RGS6: variants seen among roughly 807,000 people sequenced by gnomAD.
RGS6 encodes the protein regulator of G-protein signaling 6.
A neutral mutation model predicts 78.5 loss-of-function variants in RGS6; 30 were observed. The ratio of observed to expected loss-of-function variants is 0.38; its 90% CI spans 0.29 to 0.52. The LOEUF is 0.52. RGS6 is among the 20% of genes least tolerant of loss of function. The probability of loss-of-function intolerance (pLI) is 0.85; values close to 1 mark genes in which losing one functional copy is unlikely to be tolerated. For missense variants in RGS6, 495 were observed against 609.7 expected, an observed-to-expected ratio of 0.81 and a Z score of 1.98; for synonymous variants, 206 against 206.0, an observed-to-expected ratio of 1.00 and a Z score of 0.00.
At chr14:72,425,764 T>C (rs867090913) in intron 3 of RGS6, among the ~76,000 whole-genome samples, 14 of 152,274 alleles carry the variant, frequency 9.2e-5, no homozygotes, top group Non-Finnish European at 1.8e-4. Flanking sequence ...ACCTTGAAAA[T>C]GACCCAGAAA....
At chr14:72,276,988 T>C (rs1036477744) in intron 2 of RGS6, among the ~76,000 whole-genome samples, 1 of 152,208 alleles carries the variant, frequency 6.6e-6, no homozygotes, top group African/African-American at 2.4e-5. Flanking sequence ...GATATTTGTC[T>C]TTTTTGTGCA....
chr14:72,454,008 A>G (rs1365765207), intron 3 of RGS6, among the ~76,000 whole-genome samples: 3 of 152,234 alleles, frequency 2.0e-5, no homozygotes, highest in Non-Finnish European at 4.4e-5. Context: ...CTGGAAATGT[A>G]ATCTAGCTAT....
chr14:72,539,434 C>T (rs2097291764), intron 16 of RGS6, among the ~76,000 whole-genome samples: 1 of 152,184 alleles, frequency 6.6e-6, no homozygotes, highest in African/African-American at 2.4e-5. Context: ...GGACACAGAA[C>T]GAGGGTCACT....
chr14:72,161,757 C>T (rs900868810), intron 2 of RGS6, among the ~76,000 whole-genome samples: 1 of 152,234 alleles, frequency 6.6e-6, no homozygotes, highest in African/African-American at 2.4e-5. Context: ...ATTCTGTTTA[C>T]AGCCAGGCTT....
chr14:72,415,378 G>A (rs1316388957), intron 3 of RGS6, among the ~76,000 whole-genome samples: 5 of 152,250 alleles, frequency 3.3e-5, no homozygotes, highest in African/African-American at 1.2e-4. Context: ...CATTTGTTAA[G>A]CCCGTTGGAA....
intron 2 of RGS6, among the ~76,000 whole-genome samples, chr14:72,176,326 G>A (rs1342899678): frequency 6.6e-6 from 1 of 152,144 alleles, no homozygotes; most frequent in Non-Finnish European, 1.5e-5. Context: ...TTCCCTATGT[G>A]CTTTAGGGGG....
At chr14:72,453,209 G>T (rs985183906) in intron 3 of RGS6, among the ~76,000 whole-genome samples, 4 of 152,146 alleles carry the variant, frequency 2.6e-5, no homozygotes, top group Non-Finnish European at 5.9e-5. Context: ...GGGTAGGGGG[G>T]AGTTTGTGAG....
intron 2 of RGS6, among the ~76,000 whole-genome samples, chr14:72,045,205 A>G (rs1596531673): frequency 2.0e-5 from 3 of 152,296 alleles, no homozygotes; most frequent in Admixed American, 6.5e-5. Context: ...CATATTAATC[A>G]TAGTTATTTT....
At chr14:72,021,974 G>C (rs1399884817) in intron 2 of RGS6, among the ~76,000 whole-genome samples, 1 of 150,510 alleles carries the variant, frequency 6.6e-6, no homozygotes, top group African/African-American at 2.4e-5. Context: ...GTTTCTTTTT[G>C]TTCATAAGTT....
At chr14:72,546,293 G>GA (rs2097401657) in intron 17 of RGS6, among the ~76,000 whole-genome samples, 1 of 152,164 alleles carries the variant, frequency 6.6e-6, no homozygotes, top group Non-Finnish European at 1.5e-5. Context: ...TTTGTAGCTG[G>GA]AAAATGAAAA....
the RGS6 span, among the ~76,000 whole-genome samples, chr14:72,590,013 G>T: frequency 0.81 from 122,234 of 151,794 alleles, 49,493 homozygotes; most frequent in East Asian, 0.86. Flanking sequence ...AAAGAAGATA[G>T]GCAAATGGCC....
chr14:72,096,208 A>G (rs1036777259), intron 2 of RGS6, among the ~76,000 whole-genome samples: 1 of 151,762 alleles, frequency 6.6e-6, no homozygotes, highest in Non-Finnish European at 1.5e-5. Flanking sequence ...TGGGAGGTGG[A>G]GGTTGCAGTG....
chr14:71,880,559 C>A, the RGS6 span, among the ~76,000 whole-genome samples: 1 of 152,180 alleles, frequency 6.6e-6, no homozygotes, highest in East Asian at 1.9e-4. Flanking sequence ...CTAAAAGGGG[C>A]CAACACAGAG....
intron 2 of RGS6, among the ~76,000 whole-genome samples, chr14:72,166,135 C>CAA (rs1349069428): frequency 6.3e-4 from 38 of 60,734 alleles, no homozygotes; most frequent in East Asian, 3.5e-3. Context: ...CACACACACA[C>CAA]ACAGACTGAC....
At chr14:72,181,221 G>A (rs1322126688) in intron 2 of RGS6, among the ~76,000 whole-genome samples, 1 of 152,178 alleles carries the variant, frequency 6.6e-6, no homozygotes, top group Non-Finnish European at 1.5e-5. Context: ...TGGGGAATGG[G>A]ATTTTCCATC....
At chr14:71,913,035 GCCAGGATGGTTTCGATA>G in the RGS6 span, among the ~76,000 whole-genome samples, 1 of 152,090 alleles carries the variant, frequency 6.6e-6, no homozygotes, top group East Asian at 1.9e-4. Context: ...CACTGTGTTA[GCCAGGATGGTTTCGATA>G]CCCTGACCTC....
At chr14:72,344,723 G>A (rs186596586) in intron 2 of RGS6, among the ~76,000 whole-genome samples, 3 of 152,298 alleles carry the variant, frequency 2.0e-5, no homozygotes, top group East Asian at 1.9e-4. Context: ...TAGAGCGATC[G>A]TTGATATGGA....
At chr14:72,318,292 T>A (rs1396026403) in intron 2 of RGS6, among the ~76,000 whole-genome samples, 1 of 152,152 alleles carries the variant, frequency 6.6e-6, no homozygotes, top group Admixed American at 6.5e-5. Flanking sequence ...CCTTTTCACA[T>A]TTTTCTCCCT....
At chr14:72,005,467 A>AATCTATCTATCTATCTATCTG (rs147417863) in intron 2 of RGS6, among the ~76,000 whole-genome samples, 20,633 of 151,252 alleles carry the variant, frequency 0.14, 1,634 homozygotes, top group South Asian at 0.19. Flanking sequence ...CTATCTATCT[A>AATCTATCTATCTATCTATCTG]TATCTCCCTA....
Sources: allele counts gnomAD v4.1 joint callset (sites outside exome capture counted in the v4.1 genomes callset), GRCh38; gene constraint gnomAD v4.1.1; transcripts MANE v1.5; gene names NCBI Gene and HGNC (gene_info 2026-07-23, HGNC 2026-07-21).